Variants in NHS observed in about 807,000 individuals in gnomAD.
The protein encoded by NHS is NHS actin remodeling regulator.
A neutral mutation model predicts 72.5 loss-of-function variants in NHS; 5 were observed. The observed-to-expected ratio is 0.07, with a 90% CI of 0.04 to 0.14. NHS has a LOEUF of 0.14. Among genes scored for constraint, NHS ranks in the 10% least tolerant of loss-of-function variants. NHS has a pLI of 1.00. For synonymous variants in NHS, 464 were observed against 547.7 expected (o/e 0.85, Z 2.13); for missense variants, 1,072 against 1,355.7 (o/e 0.79, Z 3.29).
At chrX:17,510,975 G>A (rs184155481) in intron 1 of NHS, among the ~76,000 whole-genome samples, 1 of 112,381 alleles carries the variant, frequency 8.9e-6, no homozygotes, top group East Asian at 2.8e-4. Context: ...GTCCCTGGTT[G>A]TAGATGGACT....
intron 1 of NHS, among the ~76,000 whole-genome samples, chrX:17,390,910 A>G (rs768044389): frequency 8.9e-6 from 1 of 112,083 alleles, no homozygotes; most frequent in African/African-American, 3.2e-5. Context: ...CTTACAAATA[A>G]ATTTCAGTCA....
chrX:17,493,935 G>T (rs1450164770), intron 1 of NHS, among the ~76,000 whole-genome samples: 1 of 110,756 alleles, frequency 9.0e-6, no homozygotes, highest in Non-Finnish European at 1.9e-5. Context: ...GTGAGTTAGG[G>T]ATCCTAGTTT....
chrX:17,428,957 A>G (rs901861038), intron 1 of NHS, among the ~76,000 whole-genome samples: 7 of 111,536 alleles, frequency 6.3e-5, no homozygotes, highest in Non-Finnish European at 9.4e-5. Context: ...AATTAAATTT[A>G]TCAAATATTT....
At chrX:17,481,112 C>A (rs2064944259) in intron 1 of NHS, among the ~76,000 whole-genome samples, 1 of 111,736 alleles carries the variant, frequency 8.9e-6, no homozygotes, top group African/African-American at 3.3e-5. Context: ...TTATGAACGA[C>A]CTTCTTGCTG....
At chrX:17,675,278 A>C (rs772030050) in intron 1 of NHS, among the ~76,000 whole-genome samples, 1 of 112,716 alleles carries the variant, frequency 8.9e-6, no homozygotes, top group Non-Finnish European at 1.9e-5. Flanking sequence ...CAACTATTCA[A>C]ATAAGTAATT....
intron 8 of NHS, among the ~76,000 whole-genome samples, chrX:17,731,323 C>T (rs1157383244): frequency 9.6e-6 from 1 of 104,132 alleles, no homozygotes; most frequent in East Asian, 3.0e-4. Flanking sequence ...CTGCAACCTC[C>T]GCCTCCCGGG....
At chrX:17,560,697 C>T (rs1360999347) in intron 1 of NHS, among the ~76,000 whole-genome samples, 1 of 112,712 alleles carries the variant, frequency 8.9e-6, no homozygotes, top group Non-Finnish European at 1.9e-5. Flanking sequence ...ACAGACTCTA[C>T]TGGCCCCAGC....
rs1014596770 is a variant in NHS at position 17,437,689 on chromosome X, T to C, written c.565+61367T>C. On this transcript the variant is annotated intron_variant, in intron 1 of 8. Transcript: ENST00000676302. ...CAGTAGCACTTCCTGTAAGTTTTGA[T>C]TGAATTGCCTAACCACACTAAGCCT... Among the ~76,000 whole-genome samples, 4 of 112,138 alleles carry C rather than the reference T, an allele frequency of 3.6e-5. No homozygotes were observed. The Admixed American group carries it at 3.8e-4, about 11-fold the overall frequency.
chrX:17,462,172 G>T (rs992853441), intron 1 of NHS, among the ~76,000 whole-genome samples: 1 of 111,350 alleles, frequency 9.0e-6, no homozygotes, highest in Non-Finnish European at 1.9e-5. Flanking sequence ...TAGCGACAAG[G>T]TCAGCCAACA....
chrX:17,392,559 A>T (rs1373042586), intron 1 of NHS, among the ~76,000 whole-genome samples: 1 of 112,258 alleles, frequency 8.9e-6, no homozygotes, highest in Non-Finnish European at 1.9e-5. Flanking sequence ...AAGCCATGTA[A>T]CAGCTTTCCT....
At chrX:17,615,195 CATATATACGTAT>C (rs1205285943) in intron 1 of NHS, among the ~76,000 whole-genome samples, 3 of 81,233 alleles carry the variant, frequency 3.7e-5, no homozygotes, top group Non-Finnish European at 2.1e-5. Flanking sequence ...TATATATACA[CATATATACGTAT>C]ATATATACGT....
chrX:17,411,113 ACGTGGTTT>A (rs1314359499), intron 1 of NHS, among the ~76,000 whole-genome samples: 7 of 112,185 alleles, frequency 6.2e-5, no homozygotes, highest in African/African-American at 2.3e-4. Context: ...AATGTTTTCA[ACGTGGTTT>A]CAAGTGAATG....
Position 17,474,041 on chromosome X carries a change from C to T in NHS, c.565+97719C>T, listed in dbSNP as rs145499580. On this transcript the variant is annotated intron_variant, in intron 1 of 8. Transcript: ENST00000676302. ...CATCACCCAGGTATTAAGACTACTA[C>T]CCAATAGTTATTGTTTCTGCTCCTC... 6.8e-3 allele frequency among the ~76,000 whole-genome samples: 762 copies of T among 111,349 alleles called. 4 individuals are homozygous for T. The highest frequency in any genetic ancestry group is 0.023 in the African/African-American group (697 of 30,653).
chrX:17,445,564 TAA>T (rs2064774789), intron 1 of NHS, among the ~76,000 whole-genome samples: 1 of 111,166 alleles, frequency 9.0e-6, no homozygotes, highest in Non-Finnish European at 1.9e-5. Context: ...TTGGCAGAGT[TAA>T]GACTTGAGTA....
chrX:17,482,111 A>G (rs1293273846), intron 1 of NHS, among the ~76,000 whole-genome samples: 1 of 111,898 alleles, frequency 8.9e-6, no homozygotes, highest in Non-Finnish European at 1.9e-5. Context: ...AAATGGGGAT[A>G]CTAATAATAT....
At chrX:17,437,715 C>T (rs2064730577) in intron 1 of NHS, among the ~76,000 whole-genome samples, 1 of 112,261 alleles carries the variant, frequency 8.9e-6, no homozygotes, top group African/African-American at 3.2e-5. Flanking sequence ...CACTAAGCCT[C>T]AGTTTTCCCA....
intron 1 of NHS, among the ~76,000 whole-genome samples, chrX:17,650,640 C>T (rs955220051): frequency 2.7e-5 from 3 of 111,516 alleles, no homozygotes; most frequent in Non-Finnish European, 5.6e-5. Context: ...TAAAGCACAC[C>T]TGGATTTTCT....
intron 1 of NHS, among the ~76,000 whole-genome samples, chrX:17,535,181 CCCA>C (rs1351519485): frequency 2.7e-5 from 3 of 111,949 alleles, no homozygotes; most frequent in African/African-American, 9.8e-5. Flanking sequence ...CCAAACATAT[CCCA>C]CCATTTCCTC....
At chrX:17,615,217 T>C (rs938728134) in intron 1 of NHS, among the ~76,000 whole-genome samples, 3 of 94,413 alleles carry the variant, frequency 3.2e-5, no homozygotes, top group Admixed American at 1.2e-4. Context: ...TATATATACG[T>C]ATATATACAC....
Sources: gnomAD v4.1 joint callset for allele counts (sites outside exome capture counted in the v4.1 genomes callset) on GRCh38, gnomAD v4.1.1 for gene constraint, MANE v1.5 for transcripts, NCBI Gene and HGNC (gene_info 2026-07-23, HGNC 2026-07-21) for gene names.